Variants in P3H2 observed in about 807,000 individuals in gnomAD.
P3H2 encodes prolyl 3-hydroxylase 2.
P3H2 carries 80 observed loss-of-function variants against 87.0 expected under a neutral mutation model. The observed-to-expected ratio is 0.92, with a 90% confidence interval of 0.77 to 1.11. The LOEUF (loss-of-function observed/expected upper bound fraction) is 1.11. Ranked by LOEUF, P3H2 falls within the 50% of genes least tolerant of loss-of-function variation. The pLI is 0.00. For synonymous variants in P3H2, 367 were observed against 359.3 expected (o/e 1.02, Z -0.24); for missense variants, 1,001 against 923.9 (o/e 1.08, Z -1.08).
In P3H2 at chr3:189,956,999, G is replaced by T. The variant is rs1722652945; in HGVS notation, c.*913C>A. 5.0e-6 allele frequency: 2 copies of T among 397,582 alleles called. No homozygotes were observed. Among genetic ancestry groups the T allele is most frequent in the South Asian group, 1.3e-4 (1 of 7,584 alleles). The allele number at this position is 397,582 out of a possible 1,614,324, so 24.6% of individuals were successfully genotyped here. Reference sequence around the variant, plus strand: ...AGCCATTCTACTACAACCTCTACATGACCTTTTAAAGTGTACAACTTATAG... The same window carrying T: ...AGCCATTCTACTACAACCTCTACATTACCTTTTAAAGTGTACAACTTATAG... On this transcript the variant is annotated 3_prime_UTR_variant, in exon 15 of 15. Transcript: ENST00000319332.
At chr3:190,101,368 C>CAAAAAAAAAAAAA (rs34737545) in intron 1 of P3H2, among the ~76,000 whole-genome samples, 1 of 23,954 alleles carries the variant, frequency 4.2e-5, no homozygotes, top group African/African-American at 1.7e-4. Context: ...ATCATGAACG[C>CAAAAAAAAAAAAA]AAAAAAAAAA....
intron 9 of P3H2, chr3:189,974,224 G>A: frequency 1.7e-6 from 1 of 594,458 alleles, no homozygotes; most frequent in Middle Eastern, 4.4e-4. Flanking sequence ...ACTTTTTATG[G>A]AAATAAAAAG....
At chr3:190,081,730 G>C (rs947455266) in intron 1 of P3H2, among the ~76,000 whole-genome samples, 1 of 152,120 alleles carries the variant, frequency 6.6e-6, no homozygotes, top group Non-Finnish European at 1.5e-5. Context: ...CAAAACCCTT[G>C]AATGATGAAT....
At chr3:190,014,086 C>T (rs1560362502) in intron 1 of P3H2, among the ~76,000 whole-genome samples, 1 of 152,086 alleles carries the variant, frequency 6.6e-6, no homozygotes, top group Non-Finnish European at 1.5e-5. Context: ...TTATTGCTTA[C>T]AGGTGAGGAA....
intron 1 of P3H2, among the ~76,000 whole-genome samples, chr3:189,999,446 T>G (rs935185855): frequency 6.6e-6 from 1 of 152,366 alleles, no homozygotes; most frequent in South Asian, 2.1e-4. Context: ...TGTCTTCCAT[T>G]GTATAAATAC....
chr3:190,041,267 C>A (rs1348884283), intron 1 of P3H2, among the ~76,000 whole-genome samples: 1 of 74,808 alleles, frequency 1.3e-5, no homozygotes, highest in East Asian at 4.1e-4. Flanking sequence ...AAAGTGATAA[C>A]CTGTCTTAAA....
chr3:189,974,529 T>G (rs759732738), intron 9 of P3H2, 29 bp downstream of exon 9: 2 of 1,612,552 alleles, frequency 1.2e-6, no homozygotes, highest in Non-Finnish European at 1.7e-6. Context: ...GCCAGCGCAG[T>G]GAGCTCCCCT....
intron 1 of P3H2, among the ~76,000 whole-genome samples, chr3:190,090,424 C>T (rs1456889657): frequency 6.6e-6 from 1 of 152,120 alleles, no homozygotes; most frequent in Non-Finnish European, 1.5e-5. Flanking sequence ...CACCTATTGG[C>T]CGCGCACGGT....
chr3:190,002,679 G>A (rs913131563), intron 1 of P3H2, among the ~76,000 whole-genome samples: 2 of 152,158 alleles, frequency 1.3e-5, no homozygotes, highest in Non-Finnish European at 2.9e-5. Flanking sequence ...GATTACAGGC[G>A]TGAGCCACCG....
At chr3:190,074,815 T>C (rs1179188262) in intron 1 of P3H2, among the ~76,000 whole-genome samples, 1 of 152,222 alleles carries the variant, frequency 6.6e-6, no homozygotes, top group East Asian at 1.9e-4. Flanking sequence ...TTTAATAGAT[T>C]ATAAAAATAA....
At chr3:190,008,917 G>A (rs1315337826) in intron 1 of P3H2, among the ~76,000 whole-genome samples, 9 of 152,160 alleles carry the variant, frequency 5.9e-5, no homozygotes, top group Non-Finnish European at 1.0e-4. Flanking sequence ...GGTTAAGTAA[G>A]GGCCCTTAAG....
At chr3:190,001,200 C>CA (rs1724206552) in intron 1 of P3H2, among the ~76,000 whole-genome samples, 1 of 152,052 alleles carries the variant, frequency 6.6e-6, no homozygotes, top group Non-Finnish European at 1.5e-5. Context: ...ATATGTAGCT[C>CA]AAATATTTTG....
At chr3:190,024,666 T>A (rs1481925472) in intron 1 of P3H2, among the ~76,000 whole-genome samples, 1 of 152,140 alleles carries the variant, frequency 6.6e-6, no homozygotes, top group South Asian at 2.1e-4. Context: ...ATGCCTTCTG[T>A]CTGCTTTGGT....
intron 14 of P3H2, among the ~76,000 whole-genome samples, chr3:189,960,014 T>C (rs962360773): frequency 1.3e-5 from 2 of 152,134 alleles, no homozygotes; most frequent in African/African-American, 4.8e-5. Flanking sequence ...CGTCCTCTAC[T>C]GAAGCCACTC....
chr3:189,975,284 C>A (rs1723316280), intron 8 of P3H2, among the ~76,000 whole-genome samples: 1 of 152,136 alleles, frequency 6.6e-6, no homozygotes, highest in Non-Finnish European at 1.5e-5. Context: ...GGAGGGTTTC[C>A]CTTAGGCACC....
intron 13 of P3H2, among the ~76,000 whole-genome samples, chr3:189,966,123 AAAAG>A (rs34608513): frequency 0.11 from 11,429 of 101,910 alleles, 786 homozygotes; most frequent in Middle Eastern, 0.17. Flanking sequence ...GAAAGAAAGA[AAAAG>A]AAAGAAAGAA....
At chr3:190,105,360 C>A (rs1349854504) in intron 1 of P3H2, among the ~76,000 whole-genome samples, 1 of 152,164 alleles carries the variant, frequency 6.6e-6, no homozygotes, top group African/African-American at 2.4e-5. Context: ...AAATGATAAT[C>A]TTTTTTGAAA....
intron 1 of P3H2, among the ~76,000 whole-genome samples, chr3:190,061,008 T>C (rs1292104731): frequency 6.6e-6 from 1 of 152,148 alleles, no homozygotes; most frequent in Non-Finnish European, 1.5e-5. Flanking sequence ...TTCCAGGCTA[T>C]TCCATCACCC....
intron 7 of P3H2, among the ~76,000 whole-genome samples, chr3:189,984,311 T>C (rs997869013): frequency 2.6e-5 from 3 of 115,774 alleles, no homozygotes; most frequent in African/African-American, 9.0e-5. Context: ...GCACCTGATT[T>C]AACCCTTTTT....
Sources: allele counts gnomAD v4.1 joint callset (sites outside exome capture counted in the v4.1 genomes callset), GRCh38; gene constraint gnomAD v4.1.1; transcripts MANE v1.5; gene names NCBI Gene and HGNC (gene_info 2026-07-23, HGNC 2026-07-21).